SGCD: variants seen among roughly 807,000 people sequenced by gnomAD.
SGCD encodes the protein sarcoglycan delta, also known as delta-sarcoglycan.
Under a neutral mutation model 36.6 loss-of-function variants are expected in SGCD, and 18 were observed. The observed-to-expected ratio is 0.49, with a 90% CI of 0.34 to 0.73. The LOEUF (loss-of-function observed/expected upper bound fraction) is 0.73. Among genes scored for constraint, SGCD ranks in the 30% least tolerant of loss-of-function variants. The pLI, the probability that SGCD is intolerant of heterozygous loss-of-function variation, is 0.01. For missense variants in SGCD, 387 were observed against 346.7 expected (o/e 1.12, Z -0.92); for synonymous variants, 133 against 130.6 (o/e 1.02, Z -0.12).
the SGCD span, among the ~76,000 whole-genome samples, chr5:155,856,584 A>C: frequency 6.6e-6 from 1 of 152,062 alleles, no homozygotes; most frequent in Non-Finnish European, 1.5e-5. Flanking sequence ...GTGGGAAAAA[A>C]ATTTTAAATC....
At chr5:155,748,560 G>A in the SGCD span, among the ~76,000 whole-genome samples, 1 of 152,056 alleles carries the variant, frequency 6.6e-6, no homozygotes, top group African/African-American at 2.4e-5. Context: ...CTGGGGTGTG[G>A]TCAGAGTTTT....
intron 6 of SGCD, among the ~76,000 whole-genome samples, chr5:156,595,499 C>T (rs1760890553): frequency 6.6e-6 from 1 of 152,164 alleles, no homozygotes; most frequent in African/African-American, 2.4e-5. Flanking sequence ...GTGATTTAGG[C>T]CAGTTTCCTG....
intron 7 of SGCD, among the ~76,000 whole-genome samples, chr5:156,668,526 A>G (rs548438778): frequency 6.6e-6 from 1 of 152,306 alleles, no homozygotes; most frequent in African/African-American, 2.4e-5. Flanking sequence ...TTCTCCCTTG[A>G]TATATTTATC....
chr5:156,296,195 G>T (rs1428036582), intron 3 of SGCD, among the ~76,000 whole-genome samples: 4 of 152,274 alleles, frequency 2.6e-5, no homozygotes, highest in South Asian at 2.1e-4. Context: ...AGAATGTGGG[G>T]GTCAGTGGAG....
chr5:156,591,516 G>A (rs1760721657), intron 5 of SGCD, among the ~76,000 whole-genome samples: 1 of 152,156 alleles, frequency 6.6e-6, no homozygotes, highest in African/African-American at 2.4e-5. Flanking sequence ...TGAGGGAGTG[G>A]GGAAGGGTTC....
At chr5:155,785,882 G>GGTTACTT in the SGCD span, among the ~76,000 whole-genome samples, 1 of 152,162 alleles carries the variant, frequency 6.6e-6, no homozygotes, top group African/African-American at 2.4e-5. Flanking sequence ...GTGTGGTCCA[G>GGTTACTT]ATATTATTAC....
intron 7 of SGCD, among the ~76,000 whole-genome samples, chr5:156,714,787 C>T (rs922505480): frequency 6.6e-6 from 1 of 151,938 alleles, no homozygotes; most frequent in African/African-American, 2.4e-5. Flanking sequence ...TCAGTTGAAG[C>T]ATATCTTTTT....
At chr5:156,175,084 G>A (rs978564017) in intron 3 of SGCD, among the ~76,000 whole-genome samples, 2 of 152,098 alleles carry the variant, frequency 1.3e-5, no homozygotes, top group African/African-American at 4.8e-5. Flanking sequence ...ATAGTATAAA[G>A]TCAACTGAAG....
At chr5:156,389,892 A>G (rs1387982946) in intron 3 of SGCD, among the ~76,000 whole-genome samples, 1 of 113,496 alleles carries the variant, frequency 8.8e-6, no homozygotes, top group South Asian at 3.7e-4. Context: ...AGTGGCTGGT[A>G]TATATTATGT....
chr5:156,004,533 C>T (rs1402361462), intron 1 of SGCD, among the ~76,000 whole-genome samples: 1 of 152,124 alleles, frequency 6.6e-6, no homozygotes, highest in African/African-American at 2.4e-5. Flanking sequence ...CATTAGTAAC[C>T]AGATCATCCA....
intron 4 of SGCD, among the ~76,000 whole-genome samples, chr5:156,560,478 C>T (rs143078829): frequency 2.2e-3 from 342 of 152,224 alleles, no homozygotes; most frequent in African/African-American, 8.1e-3. Context: ...ATGAGGTTTC[C>T]ATATGATGAT....
chr5:156,359,045 C>T (rs981580925), intron 3 of SGCD, among the ~76,000 whole-genome samples: 1 of 152,124 alleles, frequency 6.6e-6, no homozygotes. Context: ...AGAAAAGAAT[C>T]ATAAATAGAA....
chr5:156,386,773 T>TTTTG (rs1472163587), intron 3 of SGCD, among the ~76,000 whole-genome samples: 1 of 152,222 alleles, frequency 6.6e-6, no homozygotes, highest in African/African-American at 2.4e-5. Flanking sequence ...GTGTTGGCTT[T>TTTTG]TTTGTTTGTT....
intron 1 of SGCD, among the ~76,000 whole-genome samples, chr5:156,088,660 C>A (rs182244787): frequency 4.6e-5 from 7 of 151,918 alleles, no homozygotes; most frequent in African/African-American, 1.7e-4. Context: ...CTGCTATACT[C>A]GGCTAATTGT....
intron 7 of SGCD, among the ~76,000 whole-genome samples, chr5:156,652,895 A>G (rs113388072): frequency 0.026 from 3,911 of 152,196 alleles, 106 homozygotes; most frequent in African/African-American, 0.06. Context: ...GATGGATCAC[A>G]TTTATTGATT....
chr5:155,893,766 GTGCTCT>G (rs1285031999), intron 1 of SGCD, among the ~76,000 whole-genome samples: 18 of 152,232 alleles, frequency 1.2e-4, no homozygotes, highest in African/African-American at 3.9e-4. Context: ...TACGAGAAAT[GTGCTCT>G]TAGATAATTT....
At chr5:156,551,722 C>T (rs988527072) in intron 4 of SGCD, among the ~76,000 whole-genome samples, 3 of 152,088 alleles carry the variant, frequency 2.0e-5, no homozygotes, top group Admixed American at 1.3e-4. Context: ...AGGTGACTTC[C>T]GGTTCTAAGA....
At chr5:156,333,783 A>AGTTTTTTTTT (rs1768186008) in intron 2 of SGCD, among the ~76,000 whole-genome samples, 1 of 19,932 alleles carries the variant, frequency 5.0e-5, no homozygotes, top group Non-Finnish European at 9.5e-5. Flanking sequence ...TAGAAAAGTG[A>AGTTTTTTTTT]TTTTTTTTTT....
chr5:156,229,960 C>CT (rs1298894925), intron 3 of SGCD, among the ~76,000 whole-genome samples: 1 of 152,160 alleles, frequency 6.6e-6, no homozygotes, highest in Non-Finnish European at 1.5e-5. Context: ...ATTGCTGAGA[C>CT]TTTACAGTGC....
Sources: allele counts gnomAD v4.1 joint callset (sites outside exome capture counted in the v4.1 genomes callset), GRCh38; gene constraint gnomAD v4.1.1; transcripts MANE v1.5; gene names NCBI Gene and HGNC (gene_info 2026-07-23, HGNC 2026-07-21).